ABCA9: variants seen among roughly 807,000 people sequenced by gnomAD.
The protein encoded by ABCA9 is ATP binding cassette subfamily A member 9, also known as ATP-binding cassette sub-family A member 9.
A neutral mutation model predicts 205.3 loss-of-function variants in ABCA9; 183 were observed. That is an observed-to-expected ratio of 0.89 (90% CI 0.79 to 1.01). The LOEUF (loss-of-function observed/expected upper bound fraction) is 1.01, where lower values mean the gene tolerates loss of function less well. ABCA9 is among the 50% of genes least tolerant of loss of function. The probability of loss-of-function intolerance (pLI) is 0.00; values close to 1 mark genes in which losing one functional copy is unlikely to be tolerated. For missense variants in ABCA9, 1,805 were observed against 1,912.4 expected, an observed-to-expected ratio of 0.94 and a Z score of 1.05; for synonymous variants, 651 against 683.3, an observed-to-expected ratio of 0.95 and a Z score of 0.74.
At chr17:68,991,864 T>A (rs1469482098) in intron 28 of ABCA9, among the ~76,000 whole-genome samples, 2 of 152,186 alleles carry the variant, frequency 1.3e-5, no homozygotes, top group Non-Finnish European at 2.9e-5. Flanking sequence ...CGGATTGGAT[T>A]AACTTTCCCA....
At chr17:69,062,502 ATATT>A (rs747545052), upstream of ABCA9, among the ~76,000 whole-genome samples, 72 of 151,482 alleles carry the variant, frequency 4.8e-4, no homozygotes, top group African/African-American at 9.7e-4. Flanking sequence ...ACAATATTTA[ATATT>A]TATTTATTTA....
chr17:69,035,639 A>G (rs780845563), intron 7 of ABCA9, 21 bp downstream of exon 7: 1 of 1,611,326 alleles, frequency 6.2e-7, no homozygotes, highest in South Asian at 1.1e-5. Context: ...TAAAAGACTT[A>G]GATGAAATTA....
At chr17:69,077,110 T>C in the ABCA9 span, among the ~76,000 whole-genome samples, 1 of 152,180 alleles carries the variant, frequency 6.6e-6, no homozygotes, top group Non-Finnish European at 1.5e-5. Flanking sequence ...AGAGTGTTAA[T>C]TTTACATCTT....
intron 6 of ABCA9, among the ~76,000 whole-genome samples, chr17:69,041,592 T>G (rs2071539283): frequency 6.6e-6 from 1 of 151,884 alleles, no homozygotes; most frequent in South Asian, 2.1e-4. Context: ...TAGTCACAAC[T>G]ACTAGGGAGG....
At chr17:69,005,657 C>A (rs938306650) in intron 25 of ABCA9, among the ~76,000 whole-genome samples, 4 of 152,324 alleles carry the variant, frequency 2.6e-5, no homozygotes, top group South Asian at 4.1e-4. Context: ...TTGTTTCGTT[C>A]TACCCTGCTC....
intron 6 of ABCA9, among the ~76,000 whole-genome samples, chr17:69,037,400 G>C (rs2071382948): frequency 6.6e-6 from 1 of 152,126 alleles, no homozygotes; most frequent in South Asian, 2.1e-4. Context: ...AAGAACTCAG[G>C]ATTAAGAAAT....
chr17:69,062,551 C>G (rs924971011), upstream of ABCA9, among the ~76,000 whole-genome samples: 2 of 152,090 alleles, frequency 1.3e-5, no homozygotes, highest in South Asian at 4.1e-4. Context: ...CCCTCTGTCA[C>G]CCAGGCTGGA....
the ABCA9 span, chr17:69,078,826 A>C: frequency 3.9e-6 from 2 of 512,950 alleles, no homozygotes; most frequent in Non-Finnish European, 6.6e-6. Flanking sequence ...AGGAAGAATA[A>C]TTTTAAAATT....
At chr17:68,992,890 T>C in intron 27 of ABCA9, 126 bp downstream of exon 27, 4 of 679,354 alleles carry the variant, frequency 5.9e-6, no homozygotes, top group Non-Finnish European at 1.0e-5. Flanking sequence ...TGCATGTGCA[T>C]GTGTGTGTTG....
intron 20 of ABCA9, 156 bp downstream of exon 20, chr17:69,018,257 G>A (rs1041695860): frequency 3.3e-6 from 2 of 608,420 alleles, no homozygotes; most frequent in African/African-American, 1.9e-5. Context: ...ACTCTCCCAT[G>A]TCGTATTTTT....
chr17:68,980,627 C>T (rs1239669483), intron 37 of ABCA9, among the ~76,000 whole-genome samples: 1 of 151,960 alleles, frequency 6.6e-6, no homozygotes, highest in African/African-American at 2.4e-5. Context: ...AGTTCATGTC[C>T]TTTGTAGGGA....
intron 16 of ABCA9, among the ~76,000 whole-genome samples, chr17:69,025,107 C>A (rs1054607010): frequency 2.6e-5 from 4 of 152,122 alleles, no homozygotes; most frequent in Admixed American, 2.6e-4. Flanking sequence ...AATGCAGTAC[C>A]TTCTCTAAAG....
intron 6 of ABCA9, among the ~76,000 whole-genome samples, chr17:69,037,625 A>C (rs896441340): frequency 7.9e-5 from 12 of 152,190 alleles, no homozygotes; most frequent in African/African-American, 1.4e-4. Context: ...AAAGGTCTAA[A>C]ATTGATACCC....
intron 25 of ABCA9, among the ~76,000 whole-genome samples, chr17:69,006,452 A>G (rs924127371): frequency 5.3e-5 from 8 of 152,254 alleles, no homozygotes; most frequent in Non-Finnish European, 1.0e-4. Context: ...TACAGCAATG[A>G]AAAGGAATAA....
At chr17:69,048,842 G>A (rs1012420047) in intron 3 of ABCA9, among the ~76,000 whole-genome samples, 2 of 152,078 alleles carry the variant, frequency 1.3e-5, no homozygotes, top group African/African-American at 4.8e-5. Flanking sequence ...CCAATCTTGT[G>A]GCTTTTAGAG....
intron 29 of ABCA9, 39 bp downstream of exon 29, chr17:68,990,797 GA>G (rs200152542): frequency 3.7e-5 from 58 of 1,558,890 alleles, no homozygotes; most frequent in Admixed American, 1.9e-4. Context: ...TTATCTGTCA[GA>G]AAAAAAAATA....
chr17:69,077,199 T>C, the ABCA9 span, among the ~76,000 whole-genome samples: 3 of 152,172 alleles, frequency 2.0e-5, no homozygotes, highest in Admixed American at 1.3e-4. Context: ...GAGATTTTGG[T>C]ATGTTGTATC....
intron 1 of ABCA9, among the ~76,000 whole-genome samples, chr17:69,058,781 G>T (rs572261239): frequency 2.6e-5 from 4 of 151,900 alleles, no homozygotes; most frequent in South Asian, 4.1e-4. Context: ...AGAGGTTGCA[G>T]TGAGCCGAGA....
chr17:69,070,444 G>A, the ABCA9 span, among the ~76,000 whole-genome samples: 1 of 152,062 alleles, frequency 6.6e-6, no homozygotes, highest in Non-Finnish European at 1.5e-5. Flanking sequence ...CATTGAGGGG[G>A]AGCAGAAGCA....
Sources: allele counts gnomAD v4.1 joint callset (sites outside exome capture counted in the v4.1 genomes callset), GRCh38; gene constraint gnomAD v4.1.1; transcripts MANE v1.5; gene names NCBI Gene and HGNC (gene_info 2026-07-23, HGNC 2026-07-21).